SPMIP7: variants seen among roughly 807,000 people sequenced by gnomAD.
SPMIP7 encodes protein SPMIP7.
the SPMIP7 span, among the ~76,000 whole-genome samples, chr7:50,118,799 T>C: frequency 1.3e-5 from 2 of 152,208 alleles, no homozygotes; most frequent in Non-Finnish European, 1.5e-5. Flanking sequence ...TTGATTGCGC[T>C]GGCTTTAATG....
the SPMIP7 span, among the ~76,000 whole-genome samples, chr7:50,138,176 T>A: frequency 5.3e-5 from 8 of 152,176 alleles, no homozygotes; most frequent in Non-Finnish European, 1.2e-4. Context: ...TTACTTATGA[T>A]AAGAGCTGGG....
the SPMIP7 span, among the ~76,000 whole-genome samples, chr7:50,123,608 G>A: frequency 2.1e-5 from 3 of 145,696 alleles, no homozygotes; most frequent in South Asian, 6.6e-4. Flanking sequence ...TAAAAAGCTT[G>A]AAATGTTTGT....
chr7:50,141,411 T>C, the SPMIP7 span: 1 of 1,359,692 alleles, frequency 7.4e-7, no homozygotes, highest in South Asian at 1.2e-5. Context: ...CATGATTATT[T>C]CACTTGTTTT....
chr7:50,134,829 G>A, the SPMIP7 span, among the ~76,000 whole-genome samples: 91 of 152,174 alleles, frequency 6.0e-4, 1 homozygote, highest in Middle Eastern at 3.4e-3. Context: ...ATAACTTTTC[G>A]TAATGTGTGA....
the SPMIP7 span, among the ~76,000 whole-genome samples, chr7:50,110,055 C>G: frequency 2.6e-5 from 4 of 152,034 alleles, no homozygotes; most frequent in Admixed American, 2.0e-4. Context: ...AATTGAGGAT[C>G]AATTCTGCTG....
the SPMIP7 span, chr7:50,141,551 AT>A: frequency 3.5e-6 from 2 of 569,032 alleles, no homozygotes; most frequent in South Asian, 4.3e-5. Context: ...CACAAAGGAG[AT>A]TTTGGGGATT....
chr7:50,143,677 T>C, the SPMIP7 span, among the ~76,000 whole-genome samples: 1 of 152,348 alleles, frequency 6.6e-6, no homozygotes, highest in East Asian at 1.9e-4. Context: ...GTAGTTTTTA[T>C]TTTTATTGTA....
the SPMIP7 span, among the ~76,000 whole-genome samples, chr7:50,098,656 A>G: frequency 6.6e-6 from 1 of 152,132 alleles, no homozygotes; most frequent in Non-Finnish European, 1.5e-5. Context: ...AGTTTATAGA[A>G]GGCATCTTTT....
the SPMIP7 span, among the ~76,000 whole-genome samples, chr7:50,110,396 T>C: frequency 6.8e-6 from 1 of 148,070 alleles, no homozygotes; most frequent in Non-Finnish European, 1.5e-5. Flanking sequence ...ATTTATTACA[T>C]ATTTAACATA....
chr7:50,125,565 T>C, the SPMIP7 span, among the ~76,000 whole-genome samples: 1 of 147,046 alleles, frequency 6.8e-6, no homozygotes, highest in African/African-American at 2.5e-5. Context: ...CATAGACAGA[T>C]GAATGGATAA....
At chr7:50,141,144 T>C in the SPMIP7 span, 3 of 554,278 alleles carry the variant, frequency 5.4e-6, no homozygotes, top group East Asian at 2.8e-5. Context: ...TCTATCATTA[T>C]GCTTTACATT....
the SPMIP7 span, among the ~76,000 whole-genome samples, chr7:50,125,792 A>G: frequency 3.3e-5 from 5 of 152,228 alleles, no homozygotes; most frequent in Admixed American, 6.6e-5. Context: ...TATAGAAGCA[A>G]AGAGTAGAAT....
At chr7:50,148,918 G>A in the SPMIP7 span, among the ~76,000 whole-genome samples, 6 of 152,258 alleles carry the variant, frequency 3.9e-5, no homozygotes, top group East Asian at 5.8e-4. Flanking sequence ...AGGCCGAGGC[G>A]GGTGGATCAC....
the SPMIP7 span, among the ~76,000 whole-genome samples, chr7:50,128,893 T>G: frequency 6.6e-6 from 1 of 151,954 alleles, no homozygotes; most frequent in South Asian, 2.1e-4. Flanking sequence ...CAAATTACAT[T>G]GAATCTGTAA....
chr7:50,122,808 A>G, the SPMIP7 span, among the ~76,000 whole-genome samples: 3 of 152,236 alleles, frequency 2.0e-5, no homozygotes. Context: ...CAAAAAACAC[A>G]TGAAAAAATG....
the SPMIP7 span, among the ~76,000 whole-genome samples, chr7:50,129,350 G>C: frequency 6.6e-6 from 1 of 151,924 alleles, no homozygotes; most frequent in Non-Finnish European, 1.5e-5. Context: ...GGAAGATAAA[G>C]TATCTCATAA....
chr7:50,155,232 GT>G, the SPMIP7 span, among the ~76,000 whole-genome samples: 2 of 152,128 alleles, frequency 1.3e-5, no homozygotes, highest in Admixed American at 6.5e-5. Context: ...TGTAACCTAA[GT>G]TTTGGGTGTG....
the SPMIP7 span, among the ~76,000 whole-genome samples, chr7:50,124,041 T>A: frequency 1.3e-5 from 2 of 152,082 alleles, no homozygotes; most frequent in African/African-American, 4.8e-5. Context: ...AGTAAGTCAA[T>A]GAAAAATACA....
At chr7:50,142,627 A>G in the SPMIP7 span, 2 of 152,228 alleles carry the variant, frequency 1.3e-5, no homozygotes, top group Admixed American at 1.3e-4. Context: ...AAATATTTAT[A>G]GACACAGAAA....
Sources: gnomAD v4.1 joint callset for allele counts (sites outside exome capture counted in the v4.1 genomes callset) on GRCh38, gnomAD v4.1.1 for gene constraint, MANE v1.5 for transcripts, NCBI Gene and HGNC (gene_info 2026-07-23, HGNC 2026-07-21) for gene names.